The following ANO3 variants were observed in gnomAD, a reference collection of about 807,000 sequenced individuals.
ANO3 encodes anoctamin 3, also known as anoctamin-3.
A neutral mutation model predicts 144.8 loss-of-function variants in ANO3; 99 were observed. That is an observed-to-expected ratio of 0.68 (90% CI 0.58 to 0.81). The LOEUF is 0.81. Among genes scored for constraint, ANO3 ranks in the 30% least tolerant of loss-of-function variants. ANO3 has a pLI of 0.00. For synonymous variants in ANO3, 414 were observed against 392.6 expected (o/e 1.05, Z -0.64); for missense variants, 905 against 1,202.2 (o/e 0.75, Z 3.66).
chr11:26,508,088 A>T lies in ANO3; in HGVS notation c.433-16A>T. The T allele has an allele frequency of 6.4e-7, 1 of 1,569,686 alleles. No individual in the cohort carries two copies. Among genetic ancestry groups the T allele is most frequent in the Non-Finnish European group, 8.6e-7 (1 of 1,165,698 alleles). On this transcript the variant is annotated splice_polypyrimidine_tract_variant and intron_variant, in intron 4 of 26. Transcript: ENST00000256737. Reference sequence around the variant, plus strand: ...TGTCTAACCCACACCATTAACAATCATTGCTTTATTTGCAGAATGACATGA... The same window carrying T: ...TGTCTAACCCACACCATTAACAATCTTTGCTTTATTTGCAGAATGACATGA...
At chr11:26,486,009 C>G (rs1300308972) in intron 4 of ANO3, among the ~76,000 whole-genome samples, 2 of 151,946 alleles carry the variant, frequency 1.3e-5, no homozygotes, top group African/African-American at 2.4e-5. Context: ...ATAACCTTGC[C>G]TTTTTAAAAG....
intron 1 of ANO3, among the ~76,000 whole-genome samples, chr11:26,243,746 G>A (rs963029841): frequency 1.6e-4 from 25 of 151,784 alleles, no homozygotes; most frequent in Admixed American, 6.6e-5. Context: ...TGCTTCTTTG[G>A]GTTTTTTAAT....
intron 1 of ANO3, among the ~76,000 whole-genome samples, chr11:26,396,799 G>A (rs562521771): frequency 6.6e-6 from 1 of 152,030 alleles, no homozygotes; most frequent in South Asian, 2.1e-4. Context: ...GTCAGGTGGT[G>A]GGGGACTAGG....
chr11:26,301,065 G>T lies in ANO3; in HGVS notation c.155-8580G>T, dbSNP rs931563977. On this transcript the variant is annotated intron_variant, in intron 1 of 27. Coordinates refer to the ANO3 transcript ENST00000672621. The stretch of plus-strand genomic sequence containing the variant: ...GATGGGGTTTCACCATGTTGGCCAG[G>T]TTGGTCTTGAACTCCTGACCTCGAG... Among the ~76,000 whole-genome samples the T allele has an allele frequency of 6.1e-5, 9 of 146,978 alleles. 2 individuals are homozygous for T. Among genetic ancestry groups the T allele is most frequent in the African/African-American group, 2.4e-4 (9 of 37,526 alleles).
At chr11:26,543,461 C>G (rs80060752) in intron 11 of ANO3, among the ~76,000 whole-genome samples, 2 of 84,624 alleles carry the variant, frequency 2.4e-5, no homozygotes, top group African/African-American at 3.7e-5. Flanking sequence ...CTTTTAATTT[C>G]TTTTTTTTTA....
At chr11:26,509,115 A>G (rs891547999) in intron 5 of ANO3, among the ~76,000 whole-genome samples, 6 of 150,996 alleles carry the variant, frequency 4.0e-5, no homozygotes, top group Non-Finnish European at 8.9e-5. Context: ...CTATATATAT[A>G]TATATATTAT....
intron 1 of ANO3, among the ~76,000 whole-genome samples, chr11:26,228,174 G>A (rs899360358): frequency 3.0e-4 from 46 of 152,182 alleles, no homozygotes; most frequent in African/African-American, 1.1e-3. Flanking sequence ...AATAAAGCTC[G>A]TGTTTTATTT....
At chr11:26,422,603 T>C (rs1445730959) in intron 1 of ANO3, among the ~76,000 whole-genome samples, 1 of 152,038 alleles carries the variant, frequency 6.6e-6, no homozygotes, top group Non-Finnish European at 1.5e-5. Context: ...TTACAGGTTA[T>C]TCTTGAACTT....
intron 1 of ANO3, among the ~76,000 whole-genome samples, chr11:26,436,487 C>G (rs563183769): frequency 6.6e-6 from 1 of 152,276 alleles, no homozygotes; most frequent in South Asian, 2.1e-4. Context: ...AAGGTATCAA[C>G]AGTGAAGCCT....
chr11:26,476,928 TGTGTGAGA>T (rs758683217), intron 4 of ANO3, among the ~76,000 whole-genome samples: 1 of 145,684 alleles, frequency 6.9e-6, no homozygotes, highest in African/African-American at 2.6e-5. Flanking sequence ...TGTGTGTGTG[TGTGTGAGA>T]GAGAGAGAGA....
intron 17 of ANO3, among the ~76,000 whole-genome samples, chr11:26,616,384 C>T (rs1258095068): frequency 6.7e-6 from 1 of 149,776 alleles, no homozygotes; most frequent in Non-Finnish European, 1.5e-5. Context: ...CCTTAATTAT[C>T]TTCTCCTCCC....
intron 1 of ANO3, among the ~76,000 whole-genome samples, chr11:26,270,654 A>G (rs758909208): frequency 2.0e-4 from 31 of 152,176 alleles, no homozygotes; most frequent in Admixed American, 1.6e-3. Flanking sequence ...TATTCACTCA[A>G]TGATTATTGG....
chr11:26,323,538 C>T (rs1007939746), intron 1 of ANO3, among the ~76,000 whole-genome samples: 5 of 152,048 alleles, frequency 3.3e-5, no homozygotes, highest in African/African-American at 7.2e-5. Flanking sequence ...ATTCAAGAGA[C>T]GTTGGTCCTT....
intron 1 of ANO3, among the ~76,000 whole-genome samples, chr11:26,286,806 G>A (rs548157073): frequency 6.2e-4 from 95 of 152,258 alleles, no homozygotes; most frequent in African/African-American, 2.2e-3. Context: ...TTACTGGATG[G>A]TACAGAAGCT....
intron 1 of ANO3, among the ~76,000 whole-genome samples, chr11:26,353,725 C>T (rs550931607): frequency 3.2e-4 from 49 of 152,260 alleles, no homozygotes; most frequent in Non-Finnish European, 5.4e-4. Flanking sequence ...TGCGCCACCG[C>T]GTCAGGCTAA....
At chr11:26,570,719 T>C (rs1243146404) in intron 14 of ANO3, among the ~76,000 whole-genome samples, 2 of 152,156 alleles carry the variant, frequency 1.3e-5, no homozygotes, top group African/African-American at 4.8e-5. Context: ...TGGGTTTTGT[T>C]TGTCTCTCAA....
chr11:26,269,728 T>C (rs911496775), intron 1 of ANO3, among the ~76,000 whole-genome samples: 6 of 151,972 alleles, frequency 3.9e-5, no homozygotes, highest in African/African-American at 1.5e-4. Context: ...GAGTCTGGAG[T>C]CAGATGACTG....
chr11:26,267,981 T>G (rs997552016), intron 1 of ANO3, among the ~76,000 whole-genome samples: 1 of 152,138 alleles, frequency 6.6e-6, no homozygotes, highest in Admixed American at 6.5e-5. Flanking sequence ...AGAGCAAAAT[T>G]TAAAAATGTG....
At chr11:26,492,387 T>A (rs981744363) in intron 4 of ANO3, among the ~76,000 whole-genome samples, 1 of 152,218 alleles carries the variant, frequency 6.6e-6, no homozygotes, top group Non-Finnish European at 1.5e-5. Flanking sequence ...AATGTCTGAT[T>A]AGTAGAACTT....
Sources: gnomAD v4.1 joint callset for allele counts (sites outside exome capture counted in the v4.1 genomes callset) on GRCh38, gnomAD v4.1.1 for gene constraint, MANE v1.5 for transcripts, NCBI Gene and HGNC (gene_info 2026-07-23, HGNC 2026-07-21) for gene names.